Variants in DSE observed in about 807,000 individuals in gnomAD.
DSE encodes dermatan sulfate epimerase, also known as dermatan-sulfate epimerase.
DSE carries 36 observed loss-of-function variants against 84.4 expected under a neutral mutation model. The observed-to-expected ratio is 0.43, with a 90% CI of 0.33 to 0.56. The LOEUF is 0.56. DSE is among the 20% of genes least tolerant of loss of function. DSE has a pLI of 0.06. For missense variants in DSE, 862 were observed against 1,169.6 expected (o/e 0.74, Z 3.84); for synonymous variants, 410 against 430.1 (o/e 0.95, Z 0.58).
At chr6:116,321,275 G>C (rs184768905) in intron 2 of DSE, among the ~76,000 whole-genome samples, 7 of 152,276 alleles carry the variant, frequency 4.6e-5, no homozygotes, top group Non-Finnish European at 1.0e-4. Context: ...CTGTGCTCAA[G>C]TGATCCTCCT....
chr6:116,328,764 A>G (rs1397791337), intron 2 of DSE, among the ~76,000 whole-genome samples: 1 of 152,208 alleles, frequency 6.6e-6, no homozygotes, highest in Non-Finnish European at 1.5e-5. Context: ...CCAGAAGACT[A>G]TCTGGCCTGC....
rs1168061644 is a variant in DSE, at chr6:116,435,827, T to G, written c.1359T>G (p.Pro453=). Reference sequence around the variant, plus strand: ...ATTTTAATGCAGGGCATGAACATCCTGATCAAAACTCATTTACTTTTGCTC... The same window carrying G: ...ATTTTAATGCAGGGCATGAACATCCGGATCAAAACTCATTTACTTTTGCTC... ...WRNFNAGHEH[P]DQNSFTFAPN... is the part of the protein sequence containing the mutation. The change falls in exon 6 of 6, where the codon CCT becomes CCG. Residue 453 remains proline, a synonymous_variant. Coordinates refer to ENST00000644252, the MANE Select transcript of DSE (RefSeq NM_013352.4). 4 of 1,614,190 alleles carry G rather than the reference T, an allele frequency of 2.5e-6. 1 individual carries two copies. In the South Asian group the frequency reaches 4.4e-5, roughly 18 times the overall value.
intron 2 of DSE, among the ~76,000 whole-genome samples, chr6:116,327,690 G>A (rs1284139809): frequency 6.6e-6 from 1 of 152,032 alleles, no homozygotes; most frequent in Non-Finnish European, 1.5e-5. Context: ...GTTTGTTTCC[G>A]GTGAGCCCAT....
intron 2 of DSE, among the ~76,000 whole-genome samples, chr6:116,325,288 G>A (rs971749049): frequency 6.6e-6 from 1 of 152,162 alleles, no homozygotes; most frequent in South Asian, 2.1e-4. Flanking sequence ...CCATGTCTGG[G>A]GTGAAACCAT....
At chr6:116,334,605 A>G (rs188749052) in intron 2 of DSE, among the ~76,000 whole-genome samples, 1 of 152,258 alleles carries the variant, frequency 6.6e-6, no homozygotes, top group East Asian at 1.9e-4. Flanking sequence ...GCCCATTCCT[A>G]CGTCCAGAAT....
intron 1 of DSE, among the ~76,000 whole-genome samples, chr6:116,384,076 T>C (rs902026705): frequency 2.0e-5 from 3 of 152,236 alleles, no homozygotes; most frequent in Admixed American, 6.5e-5. Flanking sequence ...CAAGTCCTTA[T>C]ACCAAACCAT....
At chr6:116,267,799 C>T (rs1772700299) in intron 2 of DSE, among the ~76,000 whole-genome samples, 1 of 151,960 alleles carries the variant, frequency 6.6e-6, no homozygotes, top group South Asian at 2.1e-4. Flanking sequence ...CCTCAGGAAA[C>T]TTACAATCAT....
chr6:116,384,558 C>A (rs567965327), intron 1 of DSE, among the ~76,000 whole-genome samples: 1 of 152,128 alleles, frequency 6.6e-6, no homozygotes. Flanking sequence ...GATAATCACT[C>A]AGAGTAACCT....
chr6:116,416,558 G>A (rs1403916914), intron 2 of DSE, among the ~76,000 whole-genome samples: 1 of 151,932 alleles, frequency 6.6e-6, no homozygotes, highest in East Asian at 1.9e-4. Flanking sequence ...GATGTTGTGT[G>A]TTATAAAATT....
In DSE at chr6:116,363,393, A is replaced by G. The variant is rs185996500; in HGVS notation, c.-53-35805A>G. Reference sequence around the variant, plus strand: ...GTGTGTGCTTTGTGTGTGTGTGTGTATATATATATGATAGATACTTAGCTG... The same window carrying G: ...GTGTGTGCTTTGTGTGTGTGTGTGTGTATATATATGATAGATACTTAGCTG... On this transcript the variant is annotated intron_variant, in intron 2 of 3. Coordinates refer to the DSE transcript ENST00000430252. 2.0e-4 allele frequency among the ~76,000 whole-genome samples: 28 copies of G among 143,432 alleles called. No individual in the cohort carries two copies. In the East Asian group the frequency reaches 2.9e-3, roughly 15 times the overall value. 94.1% of individuals were successfully genotyped at this position (143,432 alleles called of 152,430 possible).
chr6:116,297,916 A>T (rs1440216854), intron 2 of DSE, among the ~76,000 whole-genome samples: 1 of 152,180 alleles, frequency 6.6e-6, no homozygotes, highest in Non-Finnish European at 1.5e-5. Context: ...AGACATAATG[A>T]CTAACCATCA....
chr6:116,383,959 T>G (rs544830050), intron 1 of DSE, among the ~76,000 whole-genome samples: 19 of 152,324 alleles, frequency 1.2e-4, no homozygotes, highest in African/African-American at 4.6e-4. Flanking sequence ...TACTAGCAAT[T>G]GTGTAGATGT....
intron 2 of DSE, among the ~76,000 whole-genome samples, chr6:116,272,168 A>G (rs901271972): frequency 2.0e-5 from 3 of 152,208 alleles, no homozygotes; most frequent in African/African-American, 7.2e-5. Context: ...GTGGTGTTCC[A>G]TTGTATGAAT....
intron 1 of DSE, among the ~76,000 whole-genome samples, chr6:116,394,566 G>A (rs918734636): frequency 1.3e-5 from 2 of 152,060 alleles, no homozygotes; most frequent in African/African-American, 4.8e-5. Flanking sequence ...CTCCCGAGTA[G>A]CTGGAACTAC....
chr6:116,365,677 G>C (rs1276613299), upstream of DSE, among the ~76,000 whole-genome samples: 2 of 152,144 alleles, frequency 1.3e-5, no homozygotes, highest in African/African-American at 4.8e-5. Context: ...AAGCATATGG[G>C]GTATCTGGAC....
chr6:116,324,608 G>T (rs955466638), intron 2 of DSE, among the ~76,000 whole-genome samples: 1 of 152,144 alleles, frequency 6.6e-6, no homozygotes, highest in Non-Finnish European at 1.5e-5. Context: ...GTGTGCAGGG[G>T]TATATGTAAA....
At chr6:116,364,226 C>T (rs1227090915) in intron 2 of DSE, among the ~76,000 whole-genome samples, 1 of 152,064 alleles carries the variant, frequency 6.6e-6, no homozygotes, top group Non-Finnish European at 1.5e-5. Context: ...TTTAAAATGG[C>T]AGTGTTTCCA....
intron 2 of DSE, among the ~76,000 whole-genome samples, chr6:116,298,929 G>A (rs1233799297): frequency 6.6e-6 from 1 of 152,148 alleles, no homozygotes; most frequent in East Asian, 1.9e-4. Context: ...CCTCAGGCTA[G>A]ATACATTATC....
At chr6:116,277,610 A>C (rs1773209860) in intron 2 of DSE, 1 of 152,202 alleles carries the variant, frequency 6.6e-6, no homozygotes, top group South Asian at 2.1e-4. Flanking sequence ...AAATGAAATA[A>C]AAACCTTGCT....
Sources: gnomAD v4.1 joint callset for allele counts (sites outside exome capture counted in the v4.1 genomes callset) on GRCh38, gnomAD v4.1.1 for gene constraint, MANE v1.5 for transcripts, NCBI Gene and HGNC (gene_info 2026-07-23, HGNC 2026-07-21) for gene names.